Variants in CTNNA2 observed in about 807,000 individuals in gnomAD.
CTNNA2 encodes catenin alpha 2.
CTNNA2 carries 42 observed loss-of-function variants against 101.0 expected under a neutral mutation model. That is an observed-to-expected ratio of 0.42 (90% CI 0.32 to 0.54). CTNNA2 has a LOEUF of 0.54. Ranked by LOEUF, CTNNA2 falls within the 20% of genes least tolerant of loss-of-function variation. The probability of loss-of-function intolerance (pLI) is 0.14; values close to 1 mark genes in which losing one functional copy is unlikely to be tolerated. For synonymous variants in CTNNA2, 450 were observed against 456.4 expected (o/e 0.99, Z 0.18); for missense variants, 871 against 1,223.1 (o/e 0.71, Z 4.29).
chr2:80,184,696 G>C (rs147850273), intron 7 of CTNNA2, among the ~76,000 whole-genome samples: 3 of 152,096 alleles, frequency 2.0e-5, no homozygotes, highest in Non-Finnish European at 2.9e-5. Context: ...AAGAATGTGT[G>C]CCTGTCTTTT....
At chr2:80,632,635 C>T (rs1672423316) in intron 18 of CTNNA2, among the ~76,000 whole-genome samples, 1 of 152,126 alleles carries the variant, frequency 6.6e-6, no homozygotes, top group African/African-American at 2.4e-5. Context: ...AAGTACTTTT[C>T]TCTTGTTTTG....
chr2:79,697,278 T>C (rs974274874), intron 2 of CTNNA2, among the ~76,000 whole-genome samples: 1 of 152,038 alleles, frequency 6.6e-6, no homozygotes, highest in African/African-American at 2.4e-5. Flanking sequence ...TTTGTAGAGC[T>C]GCCGTCTGAA....
intron 7 of CTNNA2, among the ~76,000 whole-genome samples, chr2:80,348,561 C>T (rs1672992758): frequency 6.6e-6 from 1 of 152,122 alleles, no homozygotes; most frequent in Non-Finnish European, 1.5e-5. Context: ...CCGTACTTTT[C>T]TGATCCTCCA....
chr2:80,562,632 G>A (rs1693707942), intron 12 of CTNNA2, among the ~76,000 whole-genome samples: 2 of 152,012 alleles, frequency 1.3e-5, no homozygotes, highest in South Asian at 2.1e-4. Context: ...ATATAAAAAC[G>A]TATGCACAAG....
chr2:79,825,679 G>A (rs1271226045), intron 3 of CTNNA2, among the ~76,000 whole-genome samples: 2 of 152,038 alleles, frequency 1.3e-5, no homozygotes, highest in African/African-American at 2.4e-5. Flanking sequence ...GAATTCAGAG[G>A]CAAGGTAAGA....
intron 7 of CTNNA2, among the ~76,000 whole-genome samples, chr2:79,974,075 C>A (rs1395311611): frequency 2.6e-5 from 4 of 152,016 alleles, no homozygotes; most frequent in African/African-American, 9.7e-5. Context: ...CCTTTGTCGC[C>A]ATCTTCAACT....
intron 7 of CTNNA2, among the ~76,000 whole-genome samples, chr2:79,993,171 G>T (rs145109456): frequency 3.0e-4 from 46 of 152,218 alleles, no homozygotes; most frequent in African/African-American, 1.1e-3. Flanking sequence ...ACCCACAGAG[G>T]TTTGTTCATT....
At chr2:79,891,453 C>A (rs1028442535) in intron 6 of CTNNA2, among the ~76,000 whole-genome samples, 10 of 152,190 alleles carry the variant, frequency 6.6e-5, no homozygotes, top group Non-Finnish European at 1.3e-4. Flanking sequence ...AAAAACATCA[C>A]TGACCAAATA....
At chr2:80,225,849 C>T (rs1018171692) in intron 7 of CTNNA2, among the ~76,000 whole-genome samples, 2 of 152,040 alleles carry the variant, frequency 1.3e-5, no homozygotes, top group African/African-American at 4.8e-5. Context: ...ATTTCAATTT[C>T]CTTTGGATGT....
At chr2:79,188,638 T>C (rs1478860660) in intron 1 of CTNNA2, among the ~76,000 whole-genome samples, 1 of 152,102 alleles carries the variant, frequency 6.6e-6, no homozygotes, top group Non-Finnish European at 1.5e-5. Context: ...GGGAGGGCAA[T>C]AGAACTTGAG....
chr2:79,379,337 T>C (rs1473156858), intron 4 of CTNNA2, among the ~76,000 whole-genome samples: 1 of 152,136 alleles, frequency 6.6e-6, no homozygotes, highest in Non-Finnish European at 1.5e-5. Flanking sequence ...AAATATACAA[T>C]CATTTGTTTG....
intron 4 of CTNNA2, among the ~76,000 whole-genome samples, chr2:79,457,602 CAT>C (rs1308097403): frequency 6.6e-6 from 1 of 152,014 alleles, no homozygotes; most frequent in Non-Finnish European, 1.5e-5. Flanking sequence ...ATATGAAAAA[CAT>C]ATATGTTGTC....
At chr2:80,521,168 T>C (rs1285815482) in intron 9 of CTNNA2, among the ~76,000 whole-genome samples, 1 of 152,092 alleles carries the variant, frequency 6.6e-6, no homozygotes, top group African/African-American at 2.4e-5. Flanking sequence ...CCCATTCTTT[T>C]CTCCCTTCCT....
At chr2:79,496,621 G>C (rs1671259010) in intron 4 of CTNNA2, among the ~76,000 whole-genome samples, 1 of 151,528 alleles carries the variant, frequency 6.6e-6, no homozygotes, top group Non-Finnish European at 1.5e-5. Context: ...TGCATCTGTT[G>C]ATATTAACTC....
intron 2 of CTNNA2, among the ~76,000 whole-genome samples, chr2:79,205,658 A>G (rs17016549): frequency 0.054 from 8,296 of 152,278 alleles, 344 homozygotes; most frequent in East Asian, 0.16. Flanking sequence ...GTGTTCACAA[A>G]GCATAGGTCC....
At chr2:79,724,907 T>C (rs576650770) in intron 2 of CTNNA2, among the ~76,000 whole-genome samples, 3 of 151,584 alleles carry the variant, frequency 2.0e-5, no homozygotes, top group East Asian at 1.9e-4. Context: ...GCACGTCTAC[T>C]CTGCGGTACT....
chr2:79,455,536 C>G (rs1186579402), intron 4 of CTNNA2, among the ~76,000 whole-genome samples: 1 of 152,130 alleles, frequency 6.6e-6, no homozygotes, highest in Non-Finnish European at 1.5e-5. Context: ...TCAACCTTCC[C>G]TCTCCAGTTT....
intron 1 of CTNNA2, among the ~76,000 whole-genome samples, chr2:79,513,578 C>T (rs986501238): frequency 6.6e-6 from 1 of 152,068 alleles, no homozygotes; most frequent in African/African-American, 2.4e-5. Context: ...TCAGGGGTTC[C>T]AGAAAATTGG....
intron 4 of CTNNA2, among the ~76,000 whole-genome samples, chr2:79,441,584 A>T (rs931960826): frequency 3.9e-5 from 6 of 152,128 alleles, no homozygotes; most frequent in African/African-American, 7.2e-5. Flanking sequence ...GTCCCTTCTC[A>T]TTCCATGGCC....
Sources: allele counts gnomAD v4.1 joint callset (sites outside exome capture counted in the v4.1 genomes callset), GRCh38; gene constraint gnomAD v4.1.1; transcripts MANE v1.5; gene names NCBI Gene and HGNC (gene_info 2026-07-23, HGNC 2026-07-21).